HTR4: variants seen among roughly 807,000 people sequenced by gnomAD.
HTR4 encodes the protein 5-hydroxytryptamine (serotonin) receptor 4, G protein-coupled.
HTR4 carries 16 observed loss-of-function variants against 36.8 expected under a neutral mutation model. The observed-to-expected ratio is 0.43, with a 90% CI of 0.29 to 0.66. The LOEUF (loss-of-function observed/expected upper bound fraction) is 0.66, where lower values mean the gene tolerates loss of function less well. Ranked by LOEUF, HTR4 falls within the 30% of genes least tolerant of loss-of-function variation. The pLI is 0.13. For synonymous variants in HTR4, 189 were observed against 185.1 expected, an observed-to-expected ratio of 1.02 and a Z score of -0.17; for missense variants, 438 against 490.9, an observed-to-expected ratio of 0.89 and a Z score of 1.02.
At chr5:148,465,915 G>A (rs764366147) in intron 5 of HTR4, 1 of 1,613,382 alleles carries the variant, frequency 6.2e-7, no homozygotes. Context: ...CTGGAGACAG[G>A]GGAACAGCCA....
At chr5:148,486,788 T>A (rs1756179712) in intron 6 of HTR4, among the ~76,000 whole-genome samples, 1 of 152,182 alleles carries the variant, frequency 6.6e-6, no homozygotes, top group African/African-American at 2.4e-5. Flanking sequence ...ATTTTGGATT[T>A]GTATTAAAGA....
downstream of HTR4, chr5:148,481,476 T>G (rs1561569209): frequency 8.5e-7 from 1 of 1,181,712 alleles, no homozygotes; most frequent in South Asian, 1.4e-5. Context: ...GAGGCTATTT[T>G]CCTTCCCTAA....
At chr5:148,473,233 G>T (rs1011823931), downstream of HTR4, among the ~76,000 whole-genome samples, 1 of 150,428 alleles carries the variant, frequency 6.6e-6, no homozygotes, top group Admixed American at 6.6e-5. Flanking sequence ...AGAAGGCAGA[G>T]GTTGCATGCA....
At chr5:148,639,353 G>C (rs1004816872) in intron 1 of HTR4, among the ~76,000 whole-genome samples, 4 of 151,844 alleles carry the variant, frequency 2.6e-5, no homozygotes, top group Non-Finnish European at 5.9e-5. Flanking sequence ...CTCAACTGTA[G>C]CCATGCCCCT....
At chr5:148,498,437 T>C (rs762853649) in intron 6 of HTR4, among the ~76,000 whole-genome samples, 1 of 152,166 alleles carries the variant, frequency 6.6e-6, no homozygotes, top group Non-Finnish European at 1.5e-5. Flanking sequence ...TAATCCTTCA[T>C]AAATCTGAAG....
chr5:148,521,739 T>A (rs1028194556), intron 5 of HTR4, among the ~76,000 whole-genome samples: 3 of 152,062 alleles, frequency 2.0e-5, no homozygotes, highest in African/African-American at 7.2e-5. Flanking sequence ...CCCTCCTAGA[T>A]CCCTGGTAGA....
chr5:148,532,011 C>A (rs1418093686), intron 4 of HTR4, among the ~76,000 whole-genome samples: 1 of 152,152 alleles, frequency 6.6e-6, no homozygotes, highest in Non-Finnish European at 1.5e-5. Flanking sequence ...AATAACAATA[C>A]TGGTCTATGT....
intron 3 of HTR4, 146 bp from the exon 4 acceptor site, chr5:148,549,014 C>T (rs982198017): frequency 3.0e-6 from 2 of 660,862 alleles, no homozygotes; most frequent in African/African-American, 1.8e-5. Flanking sequence ...GAAAAAGTCA[C>T]ATGCTTAGTG....
intron 2 of HTR4, among the ~76,000 whole-genome samples, chr5:148,605,261 T>C (rs1277958905): frequency 2.0e-4 from 28 of 137,856 alleles, no homozygotes; most frequent in African/African-American, 2.7e-4. Context: ...CTTTTCTTTT[T>C]TTTTTTTTTT....
intron 2 of HTR4, among the ~76,000 whole-genome samples, chr5:148,594,601 C>T (rs191671635): frequency 1.3e-5 from 2 of 152,252 alleles, no homozygotes; most frequent in African/African-American, 4.8e-5. Flanking sequence ...TTTAATACTG[C>T]AGCCCTATGC....
intron 5 of HTR4, among the ~76,000 whole-genome samples, chr5:148,469,810 C>A (rs1393805248): frequency 6.6e-6 from 1 of 152,200 alleles, no homozygotes; most frequent in Non-Finnish European, 1.5e-5. Flanking sequence ...AACAGATCCT[C>A]AGATATTTTG....
rs143580015 is a variant in HTR4, at chr5:148,624,872, T to C, written c.26+12117A>G. On this transcript the variant is annotated intron_variant, in intron 2 of 6. Coordinates refer to ENST00000377888, the MANE Select transcript of HTR4 (RefSeq NM_000870.7). ...AAATAAAGGCTTTATCAATGTTTTT[T>C]AAATTCTTCCAACATTATAAGATGT... Among the ~76,000 whole-genome samples, 31 of 152,328 alleles carry C rather than the reference T, an allele frequency of 2.0e-4. No homozygotes were observed. In the East Asian group the frequency reaches 6.0e-3, roughly 29 times the overall value.
At position 148,482,825 on chromosome 5, in the gene HTR4, G is replaced by T. The variant is rs1279778675; in HGVS notation, c.*378C>A. 9.4e-7 allele frequency: 1 copy of T among 1,065,298 alleles called. No individual in the cohort carries two copies. The highest frequency in any genetic ancestry group is 1.1e-6 in the Non-Finnish European group (1 of 876,220). The allele number at this position is 1,065,298 out of a possible 1,614,324, so 66.0% of individuals were successfully genotyped here. A position where few individuals can be genotyped will look rare whatever the true frequency, so the allele number is the denominator to read the frequency against. The stretch of plus-strand genomic sequence containing the variant: ...TCTGGAAGCCCACACAGCAAAGAAG[G>T]CGTATTTGGAGACATCAGTGACCGA... On this transcript the variant is annotated 3_prime_UTR_variant, in exon 7 of 7. Transcript: ENST00000377888.
intron 5 of HTR4, among the ~76,000 whole-genome samples, chr5:148,462,715 C>A (rs1043748098): frequency 1.3e-5 from 2 of 151,978 alleles, no homozygotes; most frequent in African/African-American, 4.8e-5. Flanking sequence ...AAACAAAAAA[C>A]CCTATAAATC....
At chr5:148,643,397 T>C (rs1168714898) in intron 1 of HTR4, among the ~76,000 whole-genome samples, 1 of 152,200 alleles carries the variant, frequency 6.6e-6, no homozygotes, top group African/African-American at 2.4e-5. Flanking sequence ...CTGAATGGGA[T>C]ATATCTAGTG....
At chr5:148,616,275 C>A (rs1208786529) in intron 2 of HTR4, among the ~76,000 whole-genome samples, 2 of 152,124 alleles carry the variant, frequency 1.3e-5, no homozygotes, top group African/African-American at 4.8e-5. Flanking sequence ...GTTTAGAATT[C>A]TCTTTGATGG....
At chr5:148,634,725 T>G (rs1400817768) in intron 2 of HTR4, among the ~76,000 whole-genome samples, 1 of 152,158 alleles carries the variant, frequency 6.6e-6, no homozygotes, top group African/African-American at 2.4e-5. Flanking sequence ...GTTTTGCCCC[T>G]TCCCAAACAG....
chr5:148,460,477 G>A (rs1755246273), intron 5 of HTR4, among the ~76,000 whole-genome samples: 1 of 151,924 alleles, frequency 6.6e-6, no homozygotes, highest in South Asian at 2.1e-4. Context: ...GAAAAGAGTA[G>A]AGTGAAATGT....
chr5:148,465,498 A>C (rs575241817), intron 5 of HTR4, among the ~76,000 whole-genome samples: 8 of 152,278 alleles, frequency 5.3e-5, no homozygotes, highest in African/African-American at 1.9e-4. Context: ...CAAGGAGATA[A>C]AGAAATGAAT....
Sources: allele counts gnomAD v4.1 joint callset (sites outside exome capture counted in the v4.1 genomes callset), GRCh38; gene constraint gnomAD v4.1.1; transcripts MANE v1.5; gene names NCBI Gene and HGNC (gene_info 2026-07-23, HGNC 2026-07-21).